The following SPAG16 variants were observed in gnomAD, a reference collection of about 807,000 sequenced individuals.
SPAG16 encodes sperm-associated antigen 16 protein.
A neutral mutation model predicts 80.4 loss-of-function variants in SPAG16; 86 were observed. That is an observed-to-expected ratio of 1.07 (90% CI 0.90 to 1.28). The LOEUF (loss-of-function observed/expected upper bound fraction) is 1.28. Among genes scored for constraint, SPAG16 ranks in the 50% most tolerant of loss-of-function variants. SPAG16 has a pLI of 0.00. For synonymous variants in SPAG16, 294 were observed against 265.9 expected (o/e 1.11, Z -1.03); for missense variants, 870 against 765.3 (o/e 1.14, Z -1.61).
chr2:214,382,428 A>G (rs142306366), intron 15 of SPAG16, among the ~76,000 whole-genome samples: 116 of 152,296 alleles, frequency 7.6e-4, no homozygotes, highest in African/African-American at 2.5e-3. Context: ...GTGGGCCCCT[A>G]TCCAGTGACT....
At chr2:214,018,271 C>CA (rs536372921) in intron 13 of SPAG16, among the ~76,000 whole-genome samples, 56 of 150,910 alleles carry the variant, frequency 3.7e-4, no homozygotes, top group Non-Finnish European at 6.9e-4. Flanking sequence ...CAAAACAAAA[C>CA]AAAAAAACTT....
At chr2:213,706,446 A>G (rs908733049) in intron 10 of SPAG16, among the ~76,000 whole-genome samples, 2 of 152,266 alleles carry the variant, frequency 1.3e-5, no homozygotes, top group Admixed American at 6.5e-5. Flanking sequence ...GAAAGAATTT[A>G]TATTTTAAAG....
At chr2:213,707,909 A>T (rs1313198911) in intron 10 of SPAG16, among the ~76,000 whole-genome samples, 2 of 152,154 alleles carry the variant, frequency 1.3e-5, no homozygotes, top group Admixed American at 6.5e-5. Context: ...GGAGATATAG[A>T]TCCTATATTT....
At chr2:214,323,768 A>G (rs1007439713) in intron 15 of SPAG16, among the ~76,000 whole-genome samples, 3 of 152,254 alleles carry the variant, frequency 2.0e-5, no homozygotes, top group Non-Finnish European at 4.4e-5. Flanking sequence ...TGTTTCCTTA[A>G]CATTTAAAAT....
rs536698314 is a variant in SPAG16, at chr2:214,338,343, G to A, written c.1721-71797G>A. 5.9e-5 allele frequency among the ~76,000 whole-genome samples: 9 copies of A among 151,912 alleles called. No individual in the cohort carries two copies. The East Asian group carries it at 7.8e-4, about 13-fold the overall frequency. On this transcript the variant is annotated intron_variant, in intron 15 of 15. Coordinates refer to ENST00000331683, the MANE Select transcript of SPAG16 (RefSeq NM_024532.5). ...AGCCTGGCCAATATGGTGAAACCCC[G>A]TCTCTCCTAAAAATATAAAAATTAG...
At chr2:213,794,363 A>C (rs2070889287) in intron 10 of SPAG16, among the ~76,000 whole-genome samples, 1 of 152,046 alleles carries the variant, frequency 6.6e-6, no homozygotes, top group Non-Finnish European at 1.5e-5. Context: ...TGACTGTTTA[A>C]ATCCTAACAG....
chr2:213,294,348 A>ATCTTT (rs2062416754), intron 1 of SPAG16, among the ~76,000 whole-genome samples: 1 of 152,182 alleles, frequency 6.6e-6, no homozygotes, highest in Non-Finnish European at 1.5e-5. Flanking sequence ...TTGCTAGTAG[A>ATCTTT]AGCCTTATGA....
intron 13 of SPAG16, among the ~76,000 whole-genome samples, chr2:214,034,532 G>A (rs1458919967): frequency 1.3e-5 from 2 of 152,240 alleles, no homozygotes; most frequent in Non-Finnish European, 2.9e-5. Flanking sequence ...CCAAGGGCAA[G>A]TGGAGCAGCA....
At chr2:213,338,987 A>G (rs1452335216) in intron 5 of SPAG16, among the ~76,000 whole-genome samples, 1 of 150,770 alleles carries the variant, frequency 6.6e-6, no homozygotes, top group Admixed American at 6.7e-5. Context: ...TTACCTATGT[A>G]ACAAACCTTC....
At chr2:213,477,536 G>A (rs900059413) in intron 9 of SPAG16, among the ~76,000 whole-genome samples, 10 of 152,336 alleles carry the variant, frequency 6.6e-5, no homozygotes, top group Middle Eastern at 3.4e-3. Flanking sequence ...GGAGACAAAG[G>A]AGATGATTTT....
intron 10 of SPAG16, among the ~76,000 whole-genome samples, chr2:213,706,894 G>A (rs115655613): frequency 0.013 from 1,912 of 152,216 alleles, 24 homozygotes; most frequent in South Asian, 0.053. Flanking sequence ...TTAACATGGC[G>A]GTCAAGTTGC....
At chr2:213,813,505 C>A (rs1327364939) in intron 10 of SPAG16, among the ~76,000 whole-genome samples, 1 of 152,146 alleles carries the variant, frequency 6.6e-6, no homozygotes, top group Non-Finnish European at 1.5e-5. Context: ...TCACACCCAC[C>A]TCTCATTGAA....
intron 15 of SPAG16, among the ~76,000 whole-genome samples, chr2:214,227,738 G>GTGTA (rs773199863): frequency 7.0e-6 from 1 of 142,910 alleles, no homozygotes; most frequent in Non-Finnish European, 1.5e-5. Context: ...GTGTGTGTGT[G>GTGTA]TAAATGTGTA....
intron 14 of SPAG16, among the ~76,000 whole-genome samples, chr2:214,115,185 A>T (rs1240425388): frequency 6.6e-6 from 1 of 152,176 alleles, no homozygotes; most frequent in African/African-American, 2.4e-5. Context: ...GTTTTATGTC[A>T]CATACCTGCT....
chr2:214,039,132 T>G lies in SPAG16; in HGVS notation c.1527+25055T>G, dbSNP rs1353738468. On this transcript the variant is annotated intron_variant, in intron 13 of 15. Coordinates refer to ENST00000331683, the MANE Select transcript of SPAG16 (RefSeq NM_024532.5). ...GGAATCGCCACACTGACTTCCACAA[T>G]GGTTGAACTAGTTTACAGTCCCACC... Among the ~76,000 whole-genome samples, 876 of 152,216 alleles carry G rather than the reference T, an allele frequency of 5.8e-3. 5 individuals are homozygous for G. The highest frequency in any genetic ancestry group is 0.02 in the African/African-American group (846 of 41,490).
At chr2:213,363,564 G>C (rs148588395) in intron 7 of SPAG16, among the ~76,000 whole-genome samples, 16 of 152,100 alleles carry the variant, frequency 1.1e-4, no homozygotes, top group African/African-American at 2.4e-4. Context: ...GGTAAATCAT[G>C]ACACCAAAGC....
At chr2:213,498,187 A>C (rs1020398045) in intron 10 of SPAG16, among the ~76,000 whole-genome samples, 3 of 152,294 alleles carry the variant, frequency 2.0e-5, no homozygotes, top group Non-Finnish European at 4.4e-5. Flanking sequence ...GTTTTGATTT[A>C]GGTGAAGCAC....
At chr2:213,565,830 C>A (rs2059742665) in intron 10 of SPAG16, among the ~76,000 whole-genome samples, 1 of 152,104 alleles carries the variant, frequency 6.6e-6, no homozygotes, top group African/African-American at 2.4e-5. Context: ...CAGATGAATG[C>A]CAGAAGCAAA....
intron 10 of SPAG16, among the ~76,000 whole-genome samples, chr2:213,721,383 G>A (rs1051306871): frequency 3.3e-5 from 5 of 152,188 alleles, no homozygotes; most frequent in African/African-American, 7.2e-5. Context: ...ACAGGCGTAA[G>A]CCACCGCGCC....
Sources: allele counts gnomAD v4.1 joint callset (sites outside exome capture counted in the v4.1 genomes callset), GRCh38; gene constraint gnomAD v4.1.1; transcripts MANE v1.5; gene names NCBI Gene and HGNC (gene_info 2026-07-23, HGNC 2026-07-21).